The following ZNF20 variants were observed in gnomAD, a reference collection of about 807,000 sequenced individuals.
ZNF20 encodes zinc finger protein 20.
In ZNF20, 9 loss-of-function variants were observed where a neutral mutation model predicts 11.0. The observed-to-expected ratio is 0.82, with a 90% confidence interval of 0.49 to 1.43. The LOEUF is 1.43. ZNF20 is among the 40% of genes most tolerant of loss of function. ZNF20 has a pLI of 0.00. For synonymous variants in ZNF20, 182 were observed against 213.0 expected, an observed-to-expected ratio of 0.85 and a Z score of 1.27; for missense variants, 528 against 640.8, an observed-to-expected ratio of 0.82 and a Z score of 1.90.
rs542915719 is a variant in ZNF20 at position 12,139,749 on chromosome 19, C to T, written c.3+431G>A. Among the ~76,000 whole-genome samples the T allele has an allele frequency of 6.4e-4, 98 of 152,128 alleles. No individual in the cohort carries two copies. Among genetic ancestry groups the T allele is most frequent in the Non-Finnish European group, 5.1e-4 (35 of 67,998 alleles). ...GTTTCACTGTGTTAGCCTGGATGGT[C>T]TCGATCTCCTGACTTCGTGATCCGC... On this transcript the variant is annotated intron_variant, in intron 1 of 3. Transcript: ENST00000334213. This position sits in a 1 kb window ranked among gnomAD's most constrained non-coding sequence, Gnocchi z 4.0.
At chr19:12,135,941 C>G (rs775078226) in intron 1 of ZNF20, 37 bp from the exon 2 acceptor site, 1 of 1,605,660 alleles carries the variant, frequency 6.2e-7, no homozygotes, top group Non-Finnish European at 8.5e-7. Context: ...AGACTAACAG[C>G]CCTGGAGGCC....
chr19:12,135,500 C>G lies in ZNF20; in HGVS notation c.200G>C (p.Ser67Thr). ...GCCTTGTCTTGCGAGAGAAAATTAC[C>G]TTAGATTTCTCCTGGGATTTTTGTA... ...DEYKNPRRNL[S>T]LMREKLCESK... The change falls in exon 3 of 4, where the codon AGT (serine) becomes ACT (threonine). Residue 67 changes from serine (S) to threonine (T), a missense_variant and splice_region_variant. Transcript: ENST00000334213. 1 of 1,613,486 alleles carries G rather than the reference C, an allele frequency of 6.2e-7. No individual in the cohort carries two copies. The highest frequency in any genetic ancestry group is 8.5e-7 in the Non-Finnish European group (1 of 1,179,760).
At chr19:12,134,199 C>T (rs1976673638) in intron 3 of ZNF20, among the ~76,000 whole-genome samples, 1 of 151,704 alleles carries the variant, frequency 6.6e-6, no homozygotes, top group Non-Finnish European at 1.5e-5. Flanking sequence ...TGGCAGGTGC[C>T]TGTAATCCCA....
rs189920645 is a variant in ZNF20 at position 12,134,892 on chromosome 19, G to C, written c.200+608C>G. Among the ~76,000 whole-genome samples the C allele has an allele frequency of 4.0e-4, 60 of 151,320 alleles. No homozygotes were observed. The East Asian group carries it at 0.011, about 27-fold the overall frequency. ...CATGTGCGTCTTTTTTTTTGAGTTGGGGTCTCAACTCACCCTGTTGTCCAA... is the reference window on the plus strand; with the variant it reads ...CATGTGCGTCTTTTTTTTTGAGTTGCGGTCTCAACTCACCCTGTTGTCCAA... On this transcript the variant is annotated intron_variant, in intron 3 of 3. Transcript: ENST00000334213.
chr19:12,132,666 T>G lies in ZNF20; in HGVS notation c.1520A>C (p.Gln507Pro), dbSNP rs1645259220. ...AAAGGCTTTGCCACATTGCTTGCAT[T>G]GATAGGGTTTCTCTCCAGTGTGAGT... ...ERTHTGEKPYQCKQCGKAFIR... is the reference protein window; with the variant it reads ...ERTHTGEKPYPCKQCGKAFIR... The change falls in exon 4 of 4, where the codon CAA (glutamine) becomes CCA (proline). Residue 507 changes from glutamine to proline, a missense_variant. Gln to Pro is a moderately conservative substitution (Grantham distance 76). Transcript: ENST00000334213. The G allele has an allele frequency of 2.5e-6, 4 of 1,614,156 alleles. No individual in the cohort carries two copies. The highest frequency in any genetic ancestry group is 2.5e-6 in the Non-Finnish European group (3 of 1,180,028).
rs1976781113 is a variant in ZNF20, at chr19:12,140,270, G to A, written c.-88C>T. 7 of 1,537,316 alleles carry A rather than the reference G, an allele frequency of 4.6e-6. No homozygotes were observed. The highest frequency in any genetic ancestry group is 6.2e-6 in the Non-Finnish European group (7 of 1,130,432). On this transcript the variant is annotated 5_prime_UTR_variant, in exon 1 of 4. Coordinates refer to ENST00000334213, the MANE Select transcript of ZNF20 (RefSeq NM_021143.4). ...TGCAGGCGGCAGAGCGACAGAAGTT[G>A]TGGCAGAGGGACCCGGGGCCTCTCG...
Position 12,135,914 on chromosome 19 carries a change from A to T in ZNF20, c.4-10T>A. 6.2e-7 allele frequency: 1 copy of T among 1,613,572 alleles called. No homozygotes were observed. The highest frequency in any genetic ancestry group is 8.5e-7 in the Non-Finnish European group (1 of 1,179,852). ...CTGAATCCTGAAACATCTCACATAT[A>T]TAAAAGAGGACAGGTAAGACTAACA... is the stretch of plus-strand genomic sequence containing the variant. On this transcript the variant is annotated splice_polypyrimidine_tract_variant and intron_variant, in intron 1 of 3. Coordinates refer to ENST00000334213, the MANE Select transcript of ZNF20 (RefSeq NM_021143.4).
At chr19:12,136,294 T>C (rs1009828120) in intron 1 of ZNF20, among the ~76,000 whole-genome samples, 1 of 152,054 alleles carries the variant, frequency 6.6e-6, no homozygotes, top group African/African-American at 2.4e-5. Context: ...GAGAATTACT[T>C]GAACCCAGGA....
chr19:12,134,008 CATT>C, intron 3 of ZNF20, 23 bp from the exon 4 acceptor site: 4 of 1,578,488 alleles, frequency 2.5e-6, no homozygotes, highest in Non-Finnish European at 3.4e-6. Context: ...ATGAGAAGCA[CATT>C]ATTAACGGTT....
rs746132891 is a variant in ZNF20, at chr19:12,132,636, C to G, written c.1550G>C (p.Arg517Pro). 2.5e-6 allele frequency: 4 copies of G among 1,611,366 alleles called. No individual in the cohort carries two copies. In the Admixed American group the frequency reaches 5.1e-5, roughly 20 times the overall value. Residue 517 changes from arginine (R) to proline (P), a missense_variant, in exon 4 of 4, where the codon CGT becomes CCT. Physicochemically the swap from Arg to Pro is moderately radical, Grantham distance 103. Transcript: ENST00000334213. ...QCKQCGKAFI[R>P]ASSCREHERT... ...TTCATGTTCTCGACATGAACTGGCA[C>G]GAATAAAGGCTTTGCCACATTGCTT...
chr19:12,135,431 T>C (rs1976694767), intron 3 of ZNF20, 69 bp downstream of exon 3: 1 of 1,530,054 alleles, frequency 6.5e-7, no homozygotes. Context: ...TGAGCCACTG[T>C]ACCCGGCCTA....
At chr19:12,135,185 G>A (rs1176500105) in intron 3 of ZNF20, among the ~76,000 whole-genome samples, 1 of 150,866 alleles carries the variant, frequency 6.6e-6, no homozygotes, top group Non-Finnish European at 1.5e-5. Flanking sequence ...TGTCACCCAG[G>A]CTGGAGTGCA....
Position 12,133,573 on chromosome 19 carries a change from C to G in ZNF20, c.613G>C (p.Gly205Arg), listed in dbSNP as rs762087123. The G allele has an allele frequency of 6.2e-7, 1 of 1,614,158 alleles. No individual in the cohort carries two copies. Among genetic ancestry groups the G allele is most frequent in the South Asian group, 1.1e-5 (1 of 91,086 alleles). ...GDGPYKCKFCGKAFYFLNLCL... is the reference protein window; with the variant it reads ...GDGPYKCKFCRKAFYFLNLCL... Reference sequence around the variant, plus strand: ...AAATTGAGAAAATAGAAGGCTTTCCCACAAAACTTACATTTATAAGGTCCA... The same window carrying G: ...AAATTGAGAAAATAGAAGGCTTTCCGACAAAACTTACATTTATAAGGTCCA... Residue 205 changes from glycine (G) to arginine (R), a missense_variant, in exon 4 of 4, where the codon GGG becomes CGG. Transcript: ENST00000334213.
rs1410051030 is a variant in ZNF20, at chr19:12,133,722, A to C, written c.464T>G (p.Leu155Arg). 1 of 1,614,232 alleles carries C rather than the reference A, an allele frequency of 6.2e-7. No individual in the cohort carries two copies. Among genetic ancestry groups the C allele is most frequent in the East Asian group, 2.2e-5 (1 of 44,882 alleles). The stretch of plus-strand genomic sequence containing the variant: ...TTTATCATGTGATTGAAAGGAGTCA[A>C]GATAACTGAAGGCTTTCTTACATTC... ...NKECKKAFSYLDSFQSHDKAC... is the reference protein window; with the variant it reads ...NKECKKAFSYRDSFQSHDKAC... The change falls in exon 4 of 4, where the codon CTT becomes CGT. Residue 155 changes from leucine (L) to arginine (R), a missense_variant. Transcript: ENST00000334213.
chr19:12,133,995 AAAATG>A lies in ZNF20; in HGVS notation c.201-15_201-11del, dbSNP rs1245659089. On this transcript the variant is annotated splice_polypyrimidine_tract_variant and intron_variant, in intron 3 of 3. Coordinates refer to ENST00000334213, the MANE Select transcript of ZNF20 (RefSeq NM_021143.4). ...TTTCTCTCTCATAAGACTTCAGTGA[AAAATG>A]AGAAGCACATTATTAACGGTTTGAT... is the stretch of plus-strand genomic sequence containing the variant. The A allele has an allele frequency of 6.3e-7, 1 of 1,592,154 alleles. No individual in the cohort carries two copies. Among genetic ancestry groups the A allele is most frequent in the Non-Finnish European group, 8.5e-7 (1 of 1,169,644 alleles).
Position 12,133,362 on chromosome 19 carries a change from C to T in ZNF20, c.824G>A (p.Arg275Lys). Reference protein sequence around the residue: ...SFPSEIRRHKRSHTGEKPYEC... With the variant: ...SFPSEIRRHKKSHTGEKPYEC... ...ATAGGGTTTTTCTCCAGTGTGAGAC[C>T]TTTTATGTCTACGAATTTCACTAGG... Residue 275 changes from arginine (R) to lysine (K), a missense_variant, in exon 4 of 4, where the codon AGG becomes AAG. Arg to Lys is a conservative substitution (Grantham distance 26). Transcript: ENST00000334213. 1.2e-6 allele frequency: 2 copies of T among 1,614,204 alleles called. No individual in the cohort carries two copies. Among genetic ancestry groups the T allele is most frequent in the Non-Finnish European group, 8.5e-7 (1 of 1,180,034 alleles).
chr19:12,132,989 T>C lies in ZNF20; in HGVS notation c.1197A>G (p.Glu399=), dbSNP rs773961571. The change falls in exon 4 of 4, where the codon GAA becomes GAG. Residue 399 remains glutamate (E), a synonymous_variant. Transcript: ENST00000334213. ...HSGEKPHECK[E]CGKVFKYFSS... is the part of the protein sequence containing the mutation. ...AAAAATACTTGAATACTTTTCCACA[T>C]TCCTTACATTCATGGGGTTTCTCTC... The C allele has an allele frequency of 1.2e-6, 2 of 1,613,928 alleles. No homozygotes were observed. The highest frequency in any genetic ancestry group is 1.7e-6 in the Non-Finnish European group (2 of 1,179,968).
rs1200749711 is a variant in ZNF20 at position 12,139,724 on chromosome 19, G to T, written c.3+456C>A. Among the ~76,000 whole-genome samples, 1 of 151,994 alleles carries T rather than the reference G, an allele frequency of 6.6e-6. No individual in the cohort carries two copies. Among genetic ancestry groups the T allele is most frequent in the Non-Finnish European group, 1.5e-5 (1 of 67,994 alleles). ...TTTTTGTATTTTTAGTAGAGACGGG[G>T]TTTCACTGTGTTAGCCTGGATGGTC... On this transcript the variant is annotated intron_variant, in intron 1 of 3. Transcript: ENST00000334213. The surrounding 1 kb of genome is among the most constrained non-coding windows in gnomAD (Gnocchi z 4.0).
At chr19:12,138,506 C>T (rs186995732) in intron 1 of ZNF20, among the ~76,000 whole-genome samples, 5 of 149,726 alleles carry the variant, frequency 3.3e-5, no homozygotes, top group East Asian at 2.0e-4. Context: ...CTGTGCCTTA[C>T]GAAGATAAGA....
Sources: gnomAD v4.1 joint callset for allele counts (sites outside exome capture counted in the v4.1 genomes callset) on GRCh38, gnomAD v4.1.1 for gene constraint, Gnocchi (gnomAD v3.1) non-coding constraint, MANE v1.5 for transcripts, NCBI Gene and HGNC (gene_info 2026-07-23, HGNC 2026-07-21) for gene names.